N4BP2L2: variants seen among roughly 807,000 people sequenced by gnomAD.
N4BP2L2 encodes NEDD4-binding protein 2-like 2.
In N4BP2L2, 50 loss-of-function variants were observed where a neutral mutation model predicts 56.2. The ratio of observed to expected loss-of-function variants is 0.89; its 90% confidence interval spans 0.71 to 1.13. N4BP2L2 has a LOEUF of 1.13. N4BP2L2 is among the 50% of genes most tolerant of loss of function. The probability of loss-of-function intolerance (pLI) is 0.00; values close to 1 mark genes in which losing one functional copy is unlikely to be tolerated. For synonymous variants in N4BP2L2, 203 were observed against 223.6 expected (o/e 0.91, Z 0.82); for missense variants, 689 against 693.8 (o/e 0.99, Z 0.08).
chr13:32,465,036 G>A (rs950086004), intron 6 of N4BP2L2, among the ~76,000 whole-genome samples: 5 of 151,672 alleles, frequency 3.3e-5, no homozygotes, highest in Non-Finnish European at 4.4e-5. Flanking sequence ...GCTCAATCTC[G>A]GCTCACTGCA....
At chr13:32,523,758 A>G (rs1321544515) in intron 3 of N4BP2L2, 1 of 152,136 alleles carries the variant, frequency 6.6e-6, no homozygotes, top group Non-Finnish European at 1.5e-5. Context: ...AGTGGGAGCT[A>G]AGCTATGAGG....
chr13:32,454,499 A>T lies in N4BP2L2; in HGVS notation c.366-10373T>A, dbSNP rs140662903. Among the ~76,000 whole-genome samples, 116 of 152,334 alleles carry T rather than the reference A, an allele frequency of 7.6e-4. 1 individual carries two copies. The highest frequency in any genetic ancestry group is 1.1e-3 in the Non-Finnish European group (78 of 68,034). ...CTAATTTTCACAAAACCTATGAGACATACAAAGAAGTAACTGTGGCCTATA... is the reference window on the plus strand; with the variant it reads ...CTAATTTTCACAAAACCTATGAGACTTACAAAGAAGTAACTGTGGCCTATA... On this transcript the variant is annotated intron_variant, in intron 6 of 9. Coordinates refer to the N4BP2L2 transcript ENST00000357505.
At chr13:32,476,157 G>A (rs896508742) in intron 6 of N4BP2L2, among the ~76,000 whole-genome samples, 6 of 152,116 alleles carry the variant, frequency 3.9e-5, no homozygotes, top group Non-Finnish European at 7.4e-5. Flanking sequence ...GATTCCTGAA[G>A]GCAGGAACCC....
intron 6 of N4BP2L2, chr13:32,478,137 G>A (rs1362846523): frequency 2.9e-6 from 3 of 1,050,848 alleles, no homozygotes; most frequent in Admixed American, 6.3e-5. Flanking sequence ...CTACGCCATG[G>A]CCAGAACATT....
In N4BP2L2 at chr13:32,436,362, G is replaced by A. The variant is rs1257852570; in HGVS notation, c.*20C>T. 3 of 1,221,930 alleles carry A rather than the reference G, an allele frequency of 2.5e-6. No individual in the cohort carries two copies. The Admixed American group carries it at 7.3e-5, about 30-fold the overall frequency. The allele number at this position is 1,221,930 out of a possible 1,614,324, so 75.7% of individuals were successfully genotyped here. ...GTCTCTAGAATAAGTCATACTTACA[G>A]TTCAAGGAATTTTCATTTTTCAACC... On this transcript the variant is annotated splice_region_variant and 3_prime_UTR_variant, in exon 9 of 10. Transcript: ENST00000357505.
chr13:32,470,336 T>G (rs2082069693), intron 6 of N4BP2L2, among the ~76,000 whole-genome samples: 1 of 152,204 alleles, frequency 6.6e-6, no homozygotes, highest in African/African-American at 2.4e-5. Context: ...CTCTGATTCT[T>G]TTACAGGTTT....
intron 6 of N4BP2L2, among the ~76,000 whole-genome samples, chr13:32,504,185 A>G (rs767450931): frequency 3.3e-4 from 51 of 152,248 alleles, no homozygotes; most frequent in Admixed American, 1.1e-3. Context: ...TGCAGAAAAG[A>G]AGGAAATGTC....
intron 6 of N4BP2L2, among the ~76,000 whole-genome samples, chr13:32,471,299 G>A (rs1024548445): frequency 6.6e-6 from 1 of 152,148 alleles, no homozygotes; most frequent in African/African-American, 2.4e-5. Flanking sequence ...CCTAGAGGGT[G>A]AAATGTAAGG....
At chr13:32,443,435 T>C in exon 7 of N4BP2L2, 10 of 1,613,976 alleles carry the variant, frequency 6.2e-6, no homozygotes, top group Non-Finnish European at 8.5e-6. Context: ...GATAAATTGG[T>C]TGTGAAAAAA....
exon 2 of N4BP2L2, chr13:32,536,018 T>C: frequency 6.2e-7 from 1 of 1,614,020 alleles, no homozygotes. Context: ...ACAGTCAGTA[T>C]ATTCATTGTT....
chr13:32,449,458 T>C (rs1301921110), intron 6 of N4BP2L2, among the ~76,000 whole-genome samples: 1 of 152,244 alleles, frequency 6.6e-6, no homozygotes. Context: ...ATGTGGTTTA[T>C]GCATGAAAAA....
At chr13:32,494,358 A>AT (rs536699015) in intron 6 of N4BP2L2, among the ~76,000 whole-genome samples, 152 of 152,208 alleles carry the variant, frequency 1.0e-3, no homozygotes, top group Non-Finnish European at 1.8e-3. Flanking sequence ...CTAATACACC[A>AT]TTTTTTTAGC....
exon 2 of N4BP2L2, chr13:32,536,349 T>C (rs2056555311): frequency 6.2e-7 from 1 of 1,614,116 alleles, no homozygotes; most frequent in Non-Finnish European, 8.5e-7. Context: ...GGCATAGCTT[T>C]ATTACTAAGA....
exon 2 of N4BP2L2, chr13:32,536,498 T>C (rs776535607): frequency 5.6e-6 from 9 of 1,612,958 alleles, no homozygotes; most frequent in African/African-American, 2.7e-5. Flanking sequence ...TTCAATTTCT[T>C]TGTAAAACTG....
At chr13:32,498,354 CTCAT>C (rs1244666593) in intron 6 of N4BP2L2, among the ~76,000 whole-genome samples, 6 of 151,770 alleles carry the variant, frequency 4.0e-5, no homozygotes, top group African/African-American at 1.2e-4. Context: ...CATTCATTCA[CTCAT>C]TCATTTAAGA....
chr13:32,433,459 C>T (rs555300407), intron 9 of N4BP2L2, among the ~76,000 whole-genome samples: 13 of 151,924 alleles, frequency 8.6e-5, no homozygotes, highest in African/African-American at 2.2e-4. Flanking sequence ...GGCAAAACCC[C>T]GTCTCTAAAA....
intron 6 of N4BP2L2, chr13:32,504,525 A>G (rs369345001): frequency 3.2e-4 from 49 of 152,294 alleles, no homozygotes; most frequent in African/African-American, 1.2e-3. Context: ...TAAAGGCCCC[A>G]TCTCCAAATA....
rs1011017673 is a variant in N4BP2L2 at position 32,474,411 on chromosome 13, C to T, written c.366-30285G>A. ...ATATGATAGAAATGTACTTAGCGGC[C>T]TATCACAGTGGCTCACGCCTGTAAT... On this transcript the variant is annotated intron_variant, in intron 6 of 9. Coordinates refer to the N4BP2L2 transcript ENST00000357505. Among the ~76,000 whole-genome samples the T allele has an allele frequency of 3.3e-5, 5 of 152,108 alleles. No homozygotes were observed. The East Asian group carries it at 9.7e-4, about 29-fold the overall frequency.
At chr13:32,519,097 C>G (rs575624542) in intron 5 of N4BP2L2, among the ~76,000 whole-genome samples, 1 of 151,480 alleles carries the variant, frequency 6.6e-6, no homozygotes, top group South Asian at 2.1e-4. Flanking sequence ...GAAAAGAAAG[C>G]AAAAAAGATA....
Sources: gnomAD v4.1 joint callset for allele counts (sites outside exome capture counted in the v4.1 genomes callset) on GRCh38, gnomAD v4.1.1 for gene constraint, MANE v1.5 for transcripts, NCBI Gene and HGNC (gene_info 2026-07-23, HGNC 2026-07-21) for gene names.